Variants in DGKI observed in about 807,000 individuals in gnomAD.
The protein encoded by DGKI is diacylglycerol kinase iota, also known as DAG kinase iota.
DGKI carries 55 observed loss-of-function variants against 147.5 expected under a neutral mutation model. The observed-to-expected ratio is 0.37, with a 90% CI of 0.30 to 0.47. The LOEUF is 0.47. DGKI is among the 20% of genes least tolerant of loss of function. The probability of loss-of-function intolerance (pLI) is 1.00; values close to 1 mark genes in which losing one functional copy is unlikely to be tolerated. For synonymous variants in DGKI, 469 were observed against 477.1 expected, an observed-to-expected ratio of 0.98 and a Z score of 0.22; for missense variants, 1,007 against 1,323.8, an observed-to-expected ratio of 0.76 and a Z score of 3.71.
At chr7:137,747,278 C>T (rs1231275699) in intron 1 of DGKI, among the ~76,000 whole-genome samples, 1 of 151,968 alleles carries the variant, frequency 6.6e-6, no homozygotes, top group Non-Finnish European at 1.5e-5. Flanking sequence ...TCAAGTGTGG[C>T]CATATGACTA....
chr7:137,623,316 T>C (rs1225710232), intron 7 of DGKI, among the ~76,000 whole-genome samples, 167 bp downstream of exon 7: 2 of 152,248 alleles, frequency 1.3e-5, no homozygotes, highest in Non-Finnish European at 2.9e-5. Flanking sequence ...ATCTATGCTA[T>C]TGTTCTATAG....
chr7:137,581,945 A>C lies in DGKI; in HGVS notation c.1564-17T>G, dbSNP rs1819211250. ...CAGAGGGAGCTGCAATGATAAACAA[A>C]GACAGAGGCAAAATTTTGTGTGGCC... is the stretch of plus-strand genomic sequence containing the variant. On this transcript the variant is annotated splice_polypyrimidine_tract_variant and intron_variant, in intron 14 of 32. Coordinates refer to ENST00000614521, the MANE Select transcript of DGKI (RefSeq NM_001321708.2). 1.2e-6 allele frequency: 2 copies of C among 1,608,514 alleles called. No individual in the cohort carries two copies. Among genetic ancestry groups the C allele is most frequent in the African/African-American group, 1.3e-5 (1 of 74,798 alleles).
intron 1 of DGKI, among the ~76,000 whole-genome samples, chr7:137,772,695 CTT>C (rs915453285): frequency 6.6e-6 from 1 of 152,170 alleles, no homozygotes; most frequent in Non-Finnish European, 1.5e-5. Context: ...ATTCATGTCT[CTT>C]TACTTAAATA....
intron 5 of DGKI, 26 bp from the exon 6 acceptor site, chr7:137,645,563 T>C (rs780594234): frequency 6.3e-7 from 1 of 1,595,974 alleles, no homozygotes; most frequent in Non-Finnish European, 8.5e-7. Flanking sequence ...ATTAAATGAA[T>C]ATTTTTAAAA....
At chr7:137,845,837 C>T (rs1871213) in intron 1 of DGKI, among the ~76,000 whole-genome samples, 18,146 of 152,042 alleles carry the variant, frequency 0.12, 1,964 homozygotes, top group African/African-American at 0.29. Context: ...GCAAGGAGCA[C>T]GCAGGCATGG....
intron 1 of DGKI, among the ~76,000 whole-genome samples, chr7:137,815,818 G>T (rs1797721561): frequency 6.6e-6 from 1 of 152,180 alleles, no homozygotes; most frequent in Admixed American, 6.5e-5. Context: ...ATAGAAGCTT[G>T]TGCCCAAAGC....
At chr7:137,746,152 T>TGGTTG (rs1048543571) in intron 1 of DGKI, among the ~76,000 whole-genome samples, 6 of 152,130 alleles carry the variant, frequency 3.9e-5, no homozygotes, top group African/African-American at 1.4e-4. Flanking sequence ...GAGGTTTTTT[T>TGGTTG]GGTTTGGTTT....
intron 20 of DGKI, among the ~76,000 whole-genome samples, chr7:137,548,647 G>A (rs542093752): frequency 6.6e-5 from 10 of 152,174 alleles, no homozygotes; most frequent in South Asian, 2.1e-4. Context: ...AGAACTGTGA[G>A]CCAAATAAAA....
chr7:137,407,838 G>A (rs2128898893), intron 30 of DGKI, 37 bp downstream of exon 30: 2 of 1,609,036 alleles, frequency 1.2e-6, no homozygotes, highest in Non-Finnish European at 1.7e-6. Flanking sequence ...GATTTCACAG[G>A]TAAGTGATCC....
chr7:137,400,398 T>C (rs1348368204), intron 30 of DGKI, among the ~76,000 whole-genome samples: 2 of 152,238 alleles, frequency 1.3e-5, no homozygotes, highest in Non-Finnish European at 2.9e-5. Flanking sequence ...TTCTCCTTCA[T>C]TCAGCTCTGT....
intron 24 of DGKI, among the ~76,000 whole-genome samples, chr7:137,468,880 A>G (rs1814766229): frequency 6.6e-6 from 1 of 152,230 alleles, no homozygotes; most frequent in Non-Finnish European, 1.5e-5. Context: ...CCATATGAAC[A>G]AAAGAGAGAA....
intron 15 of DGKI, among the ~76,000 whole-genome samples, chr7:137,581,283 T>A (rs1305795818): frequency 6.6e-6 from 1 of 152,142 alleles, no homozygotes; most frequent in East Asian, 1.9e-4. Flanking sequence ...CCAGTGGGGA[T>A]CCCTAGTACC....
intron 20 of DGKI, 100 bp downstream of exon 20, chr7:137,552,269 C>G (rs1282526940): frequency 7.7e-7 from 1 of 1,299,108 alleles, no homozygotes; most frequent in African/African-American, 1.5e-5. Context: ...GGACTTTTTT[C>G]CTCTTCCCAA....
At chr7:137,716,682 C>G (rs1214450597) in intron 1 of DGKI, among the ~76,000 whole-genome samples, 2 of 152,210 alleles carry the variant, frequency 1.3e-5, no homozygotes, top group Admixed American at 6.5e-5. Context: ...AGGTTCTCTC[C>G]TCAAGTCCCA....
intron 22 of DGKI, among the ~76,000 whole-genome samples, chr7:137,486,285 A>G (rs1815555823): frequency 2.0e-5 from 3 of 152,148 alleles, no homozygotes; most frequent in South Asian, 2.1e-4. Flanking sequence ...AACAAAGTCA[A>G]TTCATCAATC....
At chr7:137,817,961 C>T (rs1045305888) in intron 1 of DGKI, among the ~76,000 whole-genome samples, 1 of 152,190 alleles carries the variant, frequency 6.6e-6, no homozygotes, top group African/African-American at 2.4e-5. Context: ...GTACCAGTTG[C>T]TCCATATTTT....
At chr7:137,547,963 G>A (rs1386500055) in intron 20 of DGKI, among the ~76,000 whole-genome samples, 1 of 152,118 alleles carries the variant, frequency 6.6e-6, no homozygotes, top group Non-Finnish European at 1.5e-5. Flanking sequence ...TGATGTAGGA[G>A]ACAGGCTACT....
At chr7:137,709,009 C>A (rs1794134911) in intron 1 of DGKI, among the ~76,000 whole-genome samples, 1 of 152,142 alleles carries the variant, frequency 6.6e-6, no homozygotes, top group African/African-American at 2.4e-5. Context: ...GTGGACTGGA[C>A]AGAAAACCAG....
intron 1 of DGKI, among the ~76,000 whole-genome samples, chr7:137,767,140 C>T (rs1182032318): frequency 6.6e-6 from 1 of 152,202 alleles, no homozygotes; most frequent in African/African-American, 2.4e-5. Context: ...ATCCTGTCAG[C>T]TCTTCAGAGC....
Sources: gnomAD v4.1 joint callset for allele counts (sites outside exome capture counted in the v4.1 genomes callset) on GRCh38, gnomAD v4.1.1 for gene constraint, MANE v1.5 for transcripts, NCBI Gene and HGNC (gene_info 2026-07-23, HGNC 2026-07-21) for gene names.